LASP1: variants seen among roughly 807,000 people sequenced by gnomAD.
The protein encoded by LASP1 is LIM and SH3 protein 1, also known as LIM and SH3 domain protein 1.
LASP1 carries 10 observed loss-of-function variants against 38.6 expected under a neutral mutation model. The ratio of observed to expected loss-of-function variants is 0.26; its 90% CI spans 0.16 to 0.44. The LOEUF (loss-of-function observed/expected upper bound fraction) is 0.44, where lower values mean the gene tolerates loss of function less well. Ranked by LOEUF, LASP1 falls within the 20% of genes least tolerant of loss-of-function variation. The pLI is 1.00. For missense variants in LASP1, 243 were observed against 375.7 expected, an observed-to-expected ratio of 0.65 and a Z score of 2.92; for synonymous variants, 132 against 140.8, an observed-to-expected ratio of 0.94 and a Z score of 0.44.
intron 4 of LASP1, among the ~76,000 whole-genome samples, chr17:38,909,468 G>C (rs1303109587): frequency 6.6e-6 from 1 of 152,072 alleles, no homozygotes; most frequent in Non-Finnish European, 1.5e-5. Context: ...TTAGCCGGGC[G>C]TGGTGGCAGT....
In LASP1 at chr17:38,870,275, GAGACGC is replaced by G; in HGVS notation, c.69+18_69+23del. On this transcript the variant is annotated intron_variant, in intron 1 of 6. Coordinates refer to ENST00000318008, the MANE Select transcript of LASP1 (RefSeq NM_006148.4). Reference sequence around the variant, plus strand: ...CTGGATAAGGTGAGCCCGGGACCGGGAGACGCGTCTTTGCAATCCCCCGCAGTGCTC... The same window carrying G: ...CTGGATAAGGTGAGCCCGGGACCGGGGTCTTTGCAATCCCCCGCAGTGCTC... 6.2e-7 allele frequency: 1 copy of G among 1,613,252 alleles called. No homozygotes were observed. The highest frequency in any genetic ancestry group is 8.5e-7 in the Non-Finnish European group (1 of 1,179,442).
Position 38,914,570 on chromosome 17 carries a change from G to A in LASP1, c.508+95G>A, listed in dbSNP as rs1567705850. 6.4e-6 allele frequency: 9 copies of A among 1,416,544 alleles called. No individual in the cohort carries two copies. In the East Asian group the frequency reaches 7.0e-5, roughly 11 times the overall value. The allele number at this position is 1,416,544 out of a possible 1,614,324, so 87.7% of individuals were successfully genotyped here. ...AGACAGACAGACAGATACACCTTCC[G>A]GAGCCTTGCTCTTAATCAACAGGCG... On this transcript the variant is annotated intron_variant, in intron 5 of 6. Transcript: ENST00000318008.
intron 5 of LASP1, 174 bp from the exon 6 acceptor site, chr17:38,914,869 C>T (rs879110805): frequency 1.1e-5 from 7 of 638,268 alleles, no homozygotes; most frequent in African/African-American, 1.8e-5. Flanking sequence ...AGAGCCCCTG[C>T]GTGGGATACA....
At chr17:38,882,085 G>A (rs764504979) in intron 2 of LASP1, among the ~76,000 whole-genome samples, 3 of 152,284 alleles carry the variant, frequency 2.0e-5, no homozygotes, top group East Asian at 1.9e-4. Context: ...CACCCACGCC[G>A]GTGCTGGGGC....
intron 2 of LASP1, among the ~76,000 whole-genome samples, chr17:38,886,414 C>G (rs1035410824): frequency 1.3e-5 from 2 of 152,128 alleles, no homozygotes; most frequent in Admixed American, 1.3e-4. Context: ...GGGGAAGGAG[C>G]TTGGAGGCTC....
intron 2 of LASP1, among the ~76,000 whole-genome samples, chr17:38,887,112 C>T (rs1914161858): frequency 6.6e-6 from 1 of 152,174 alleles, no homozygotes; most frequent in Non-Finnish European, 1.5e-5. Context: ...GATGTGTTTG[C>T]CCTGCTTGCC....
intron 4 of LASP1, chr17:38,903,913 T>C (rs1170217503): frequency 1.3e-5 from 2 of 152,224 alleles, no homozygotes; most frequent in African/African-American, 4.8e-5. Context: ...GTCCATGCTA[T>C]GGGATAAAGG....
rs1004237588 is a variant in LASP1 at position 38,898,440 on chromosome 17, A to G, written c.278A>G (p.Asn93Ser). The G allele has an allele frequency of 3.2e-6, 5 of 1,551,382 alleles. No individual in the cohort carries two copies. The African/African-American group carries it at 5.5e-5, about 17-fold the overall frequency. The stretch of plus-strand genomic sequence containing the variant: ...CGCTACAAGGAGGAGTTTGAGAAGA[A>G]CAAGGGCAAAGGTTTCAGCGTAGTG... ...QVRYKEEFEK[N>S]KGKGFSVVAD... Residue 93 changes from asparagine to serine, a missense_variant, in exon 4 of 7, where the codon AAC becomes AGC. Around this residue, in one of 4 missense-constraint regions of LASP1, gnomAD observed 33 missense variants for 39.8 expected, o/e 0.83. Transcript: ENST00000318008.
At chr17:38,909,369 A>T (rs1395079369) in intron 4 of LASP1, among the ~76,000 whole-genome samples, 1 of 152,148 alleles carries the variant, frequency 6.6e-6, no homozygotes, top group African/African-American at 2.4e-5. Flanking sequence ...GCACTTTGGG[A>T]GGCCGAGGTG....
chr17:38,876,343 CTATT>C (rs374232262), intron 1 of LASP1, among the ~76,000 whole-genome samples: 6,503 of 148,568 alleles, frequency 0.044, 420 homozygotes, highest in African/African-American at 0.14. Context: ...CATACCCGGC[CTATT>C]TATTTATTTA....
intron 1 of LASP1, among the ~76,000 whole-genome samples, chr17:38,875,565 G>A (rs541897544): frequency 2.0e-5 from 3 of 152,280 alleles, no homozygotes; most frequent in African/African-American, 4.8e-5. Context: ...CCGGCTGGCC[G>A]TCCTCCCCAA....
rs746248272 is a variant in LASP1 at position 38,918,764 on chromosome 17, G to T, written c.772G>T (p.Val258Leu). 1 of 1,613,854 alleles carries T rather than the reference G, an allele frequency of 6.2e-7. No individual in the cohort carries two copies. Residue 258 changes from valine (V) to leucine (L), a missense_variant, in exon 7 of 7, where the codon GTG (valine) becomes TTG (leucine). Around this residue, in one of 4 missense-constraint regions of LASP1, gnomAD observed 165 missense variants for 210.3 expected, o/e 0.78. Coordinates refer to ENST00000318008, the MANE Select transcript of LASP1 (RefSeq NM_006148.4). This position sits in a 1 kb window ranked among gnomAD's most constrained non-coding sequence, Gnocchi z 4.4. Reference sequence around the variant, plus strand: ...CACGGGGATGCTGCCGGCCAACTACGTGGAGGCCATCTGAACCCGCAGCGC... The same window carrying T: ...CACGGGGATGCTGCCGGCCAACTACTTGGAGGCCATCTGAACCCGCAGCGC... ...GDTGMLPANY[V>L]EAI
chr17:38,875,778 A>C (rs1356973655), intron 1 of LASP1, among the ~76,000 whole-genome samples: 1 of 152,202 alleles, frequency 6.6e-6, no homozygotes, highest in Non-Finnish European at 1.5e-5. Flanking sequence ...CCAGTGTCTC[A>C]GAAGCACCTC....
intron 3 of LASP1, among the ~76,000 whole-genome samples, chr17:38,896,715 G>A (rs1043272773): frequency 3.3e-5 from 5 of 152,182 alleles, no homozygotes; most frequent in Admixed American, 6.5e-5. Context: ...AGTGACTGGC[G>A]TTATGGTCCC....
chr17:38,891,834 C>G (rs1405957091), intron 3 of LASP1, among the ~76,000 whole-genome samples: 1 of 152,182 alleles, frequency 6.6e-6, no homozygotes, highest in Non-Finnish European at 1.5e-5. Context: ...ATGGCTCACG[C>G]CTGTAATCCC....
chr17:38,870,638 G>T (rs1288115684), intron 1 of LASP1, among the ~76,000 whole-genome samples: 1 of 151,896 alleles, frequency 6.6e-6, no homozygotes, highest in Non-Finnish European at 1.5e-5. Flanking sequence ...TCTGCGCCGA[G>T]CGCCAAGTAG....
At chr17:38,914,885 C>CAGGCAAAT (rs1915070001) in intron 5 of LASP1, 158 bp from the exon 6 acceptor site, 1 of 687,760 alleles carries the variant, frequency 1.5e-6, no homozygotes, top group Non-Finnish European at 2.5e-6. Flanking sequence ...ATACAACACA[C>CAGGCAAAT]AGGCAAATGT....
intron 3 of LASP1, among the ~76,000 whole-genome samples, chr17:38,896,587 C>T (rs1030562096): frequency 2.0e-5 from 3 of 152,234 alleles, no homozygotes; most frequent in Non-Finnish European, 4.4e-5. Flanking sequence ...AGCCAGGAAG[C>T]AGGGGACGGA....
chr17:38,890,114 A>G, intron 2 of LASP1: 2 of 331,112 alleles, frequency 6.0e-6, no homozygotes, highest in South Asian at 7.8e-5. Flanking sequence ...ATTATCCCCA[A>G]ACAAGGGTAA....
Sources: allele counts gnomAD v4.1 joint callset (sites outside exome capture counted in the v4.1 genomes callset), GRCh38; gene constraint gnomAD v4.1.1; regional missense constraint gnomAD v4.1.1; non-coding constraint Gnocchi (gnomAD v3.1); transcripts MANE v1.5; gene names NCBI Gene and HGNC (gene_info 2026-07-23, HGNC 2026-07-21).